SUGCT: variants seen among roughly 807,000 people sequenced by gnomAD.
SUGCT encodes succinyl-CoA:glutarate CoA-transferase.
Under a neutral mutation model 55.0 loss-of-function variants are expected in SUGCT, and 41 were observed. The observed-to-expected ratio is 0.74, with a 90% CI of 0.58 to 0.97. The LOEUF (loss-of-function observed/expected upper bound fraction) is 0.97, where lower values mean the gene tolerates loss of function less well. SUGCT is among the 50% of genes least tolerant of loss of function. The pLI, the probability that SUGCT is intolerant of heterozygous loss-of-function variation, is 0.00. For synonymous variants in SUGCT, 187 were observed against 200.4 expected (o/e 0.93, Z 0.56); for missense variants, 568 against 547.8 (o/e 1.04, Z -0.37).
chr7:40,489,914 C>T (rs1791590914), intron 11 of SUGCT, among the ~76,000 whole-genome samples: 3 of 152,158 alleles, frequency 2.0e-5, no homozygotes. Flanking sequence ...ATATTTGTTA[C>T]AGTCCTCACC....
intron 13 of SUGCT, among the ~76,000 whole-genome samples, chr7:40,762,313 A>T (rs1788573524): frequency 6.6e-6 from 1 of 152,206 alleles, no homozygotes; most frequent in African/African-American, 2.4e-5. Context: ...AGTGGAAGGA[A>T]ACTTTAAAAA....
chr7:40,429,299 C>T (rs965581482), intron 9 of SUGCT, among the ~76,000 whole-genome samples: 2 of 152,028 alleles, frequency 1.3e-5, no homozygotes, highest in African/African-American at 4.8e-5. Flanking sequence ...ATTGTCTTCC[C>T]TTCTTCCCAT....
At chr7:40,884,144 C>T in the SUGCT span, among the ~76,000 whole-genome samples, 1 of 152,176 alleles carries the variant, frequency 6.6e-6, no homozygotes, top group African/African-American at 2.4e-5. Context: ...GGATCAGACT[C>T]ATTCCAATAT....
chr7:40,488,247 A>G (rs1791493463), intron 11 of SUGCT, among the ~76,000 whole-genome samples: 1 of 152,106 alleles, frequency 6.6e-6, no homozygotes, highest in Non-Finnish European at 1.5e-5. Flanking sequence ...AATACCATGA[A>G]GTTTACAAGA....
chr7:40,293,687 GA>G (rs1793936844), intron 8 of SUGCT, among the ~76,000 whole-genome samples: 2 of 152,204 alleles, frequency 1.3e-5, no homozygotes, highest in Admixed American at 1.3e-4. Flanking sequence ...AATTTAAAAA[GA>G]AAGTGTGTTT....
At chr7:40,200,408 T>C (rs12333691) in intron 6 of SUGCT, among the ~76,000 whole-genome samples, 58,769 of 151,870 alleles carry the variant, frequency 0.39, 12,771 homozygotes, top group Middle Eastern at 0.59. Context: ...TTGCATGCTG[T>C]AAATGGGCTT....
At chr7:40,627,647 A>G (rs978626628) in intron 12 of SUGCT, among the ~76,000 whole-genome samples, 29 of 152,346 alleles carry the variant, frequency 1.9e-4, no homozygotes, top group African/African-American at 6.5e-4. Flanking sequence ...AAAGCAACCA[A>G]TCAGAGGTAG....
At chr7:40,697,651 G>A (rs1031756538) in intron 12 of SUGCT, among the ~76,000 whole-genome samples, 1 of 152,110 alleles carries the variant, frequency 6.6e-6, no homozygotes, top group South Asian at 2.1e-4. Flanking sequence ...AAAGTTGATG[G>A]CTGAATGAAT....
At position 40,796,640 on chromosome 7, in the gene SUGCT, A is replaced by G. The variant is rs150208811; in HGVS notation, c.1153+47143A>G. Among the ~76,000 whole-genome samples, 267 of 152,262 alleles carry G rather than the reference A, an allele frequency of 1.8e-3. 2 individuals are homozygous for G. The highest frequency in any genetic ancestry group is 6.2e-3 in the African/African-American group (258 of 41,558). On this transcript the variant is annotated intron_variant, in intron 13 of 13. Transcript: ENST00000335693. ...AGAGAACTAAAGTAACTTGTTTGAGATTTTATATCATACATAGCAGACCAG... is the reference window on the plus strand; with the variant it reads ...AGAGAACTAAAGTAACTTGTTTGAGGTTTTATATCATACATAGCAGACCAG...
At chr7:40,323,485 A>C (rs983123158) in intron 9 of SUGCT, among the ~76,000 whole-genome samples, 1 of 151,876 alleles carries the variant, frequency 6.6e-6, no homozygotes, top group African/African-American at 2.4e-5. Context: ...GCAGCCTCAA[A>C]CTCAAGCAAA....
At chr7:40,615,991 C>T (rs1798984551) in intron 12 of SUGCT, among the ~76,000 whole-genome samples, 1 of 152,174 alleles carries the variant, frequency 6.6e-6, no homozygotes, top group Non-Finnish European at 1.5e-5. Context: ...CTCTTGGAAA[C>T]ATCACCTGTT....
intron 12 of SUGCT, among the ~76,000 whole-genome samples, chr7:40,680,029 G>A (rs773275567): frequency 5.3e-5 from 8 of 152,116 alleles, no homozygotes; most frequent in Non-Finnish European, 2.9e-5. Flanking sequence ...AAAATGTAAT[G>A]TCATATTTTG....
chr7:40,533,993 G>C (rs1220738419), intron 12 of SUGCT, among the ~76,000 whole-genome samples: 32 of 152,098 alleles, frequency 2.1e-4, no homozygotes, highest in Admixed American at 2.1e-3. Flanking sequence ...AAAGACATAT[G>C]TGACATTCGA....
At chr7:40,201,311 G>T (rs1208116956) in intron 6 of SUGCT, among the ~76,000 whole-genome samples, 1 of 152,108 alleles carries the variant, frequency 6.6e-6, no homozygotes, top group Non-Finnish European at 1.5e-5. Context: ...AATTTCTAAA[G>T]ACAGTAGTCT....
At chr7:40,405,267 G>A (rs1214471112) in intron 9 of SUGCT, among the ~76,000 whole-genome samples, 1 of 152,178 alleles carries the variant, frequency 6.6e-6, no homozygotes, top group Non-Finnish European at 1.5e-5. Flanking sequence ...AGGAAATTCA[G>A]TGTTTTATGC....
the SUGCT span, among the ~76,000 whole-genome samples, chr7:41,014,608 G>A: frequency 6.6e-6 from 1 of 152,186 alleles, no homozygotes; most frequent in African/African-American, 2.4e-5. Flanking sequence ...GCCTGGAGCT[G>A]CGGATCACCA....
chr7:40,298,735 ATT>A (rs572413470), intron 8 of SUGCT, among the ~76,000 whole-genome samples: 10 of 144,846 alleles, frequency 6.9e-5, no homozygotes, highest in Admixed American at 6.9e-5. Context: ...TTGTGAAGGA[ATT>A]TTTTTTTTTT....
At chr7:40,392,297 A>G (rs985708073) in intron 9 of SUGCT, among the ~76,000 whole-genome samples, 4 of 152,206 alleles carry the variant, frequency 2.6e-5, no homozygotes, top group Non-Finnish European at 4.4e-5. Context: ...AATAAAATAA[A>G]TACATAAAGA....
rs1228466312 is a variant in SUGCT at position 40,860,360 on chromosome 7, CCGCCCCCG to C, written c.1200_1207del (p.Pro401AlafsTer17). 6.2e-7 allele frequency: 1 copy of C among 1,613,988 alleles called. No individual in the cohort carries two copies. The highest frequency in any genetic ancestry group is 1.1e-5 in the South Asian group (1 of 91,086). ...TAAGTTCAAGATGTCAGAGGCCAGG[CCGCCCCCG>C]CTGCTCGGGCAGCACACAACGCACA... On this transcript the variant is annotated frameshift_variant, in exon 14 of 14. Transcript: ENST00000335693. LOFTEE classifies it high-confidence loss of function.
Sources: allele counts gnomAD v4.1 joint callset (sites outside exome capture counted in the v4.1 genomes callset), GRCh38; gene constraint gnomAD v4.1.1; transcripts MANE v1.5; gene names NCBI Gene and HGNC (gene_info 2026-07-23, HGNC 2026-07-21).